The following DSCAM variants were observed in gnomAD, a reference collection of about 807,000 sequenced individuals.
The protein encoded by DSCAM is cell adhesion molecule DSCAM.
A neutral mutation model predicts 217.7 loss-of-function variants in DSCAM; 47 were observed. The ratio of observed to expected loss-of-function variants is 0.22; its 90% confidence interval spans 0.17 to 0.28. The LOEUF is 0.28. DSCAM is among the 10% of genes least tolerant of loss of function. DSCAM has a pLI of 1.00. For synonymous variants in DSCAM, 1,056 were observed against 1,015.3 expected, an observed-to-expected ratio of 1.04 and a Z score of -0.76; for missense variants, 2,080 against 2,618.3, an observed-to-expected ratio of 0.79 and a Z score of 4.49.
rs150775097 is a variant in DSCAM, at chr21:40,176,407, A to G, written c.2947+2520T>C. On this transcript the variant is annotated intron_variant, in intron 15 of 32. Coordinates refer to ENST00000400454, the MANE Select transcript of DSCAM (RefSeq NM_001389.5). ...GCTGACAGCTTCCGGAGGCTCCCAT[A>G]TGAGGAATAAGGGAACAGTGGGACA... Among the ~76,000 whole-genome samples, 792 of 152,148 alleles carry G rather than the reference A, an allele frequency of 5.2e-3. 8 individuals are homozygous for G. The highest frequency in any genetic ancestry group is 0.018 in the African/African-American group (743 of 41,492).
rs1388858125 is a variant in DSCAM, at chr21:40,012,568, T to C, written c.*466A>G. Reference sequence around the variant, plus strand: ...TAATTAACAACAAAAGAAGACCAAATTGAGAACCCGGTTTCTAATGGGAAA... The same window carrying C: ...TAATTAACAACAAAAGAAGACCAAACTGAGAACCCGGTTTCTAATGGGAAA... On this transcript the variant is annotated 3_prime_UTR_variant, in exon 33 of 33. Transcript: ENST00000400454. The C allele has an allele frequency of 6.6e-6, 1 of 151,960 alleles. No individual in the cohort carries two copies. The highest frequency in any genetic ancestry group is 1.5e-5 in the Non-Finnish European group (1 of 68,092). The allele number at this position is 151,960 out of a possible 1,614,324, so 9.4% of individuals were successfully genotyped here.
intron 27 of DSCAM, among the ~76,000 whole-genome samples, chr21:40,070,283 A>G: frequency 2.7e-5 from 3 of 111,536 alleles, no homozygotes; most frequent in African/African-American, 6.9e-5. Flanking sequence ...TGAAGGAGGG[A>G]GGGAGGGAGG....
chr21:40,170,546 C>T lies in DSCAM; in HGVS notation c.2948-3258G>A, dbSNP rs552209426. Reference sequence around the variant, plus strand: ...GAACAGGAGCCGAGGGAGAGAATGGCTTCCAGCTAATGGTGATGATTATTG... The same window carrying T: ...GAACAGGAGCCGAGGGAGAGAATGGTTTCCAGCTAATGGTGATGATTATTG... On this transcript the variant is annotated intron_variant, in intron 15 of 32. Transcript: ENST00000400454. 2.4e-4 allele frequency among the ~76,000 whole-genome samples: 37 copies of T among 152,170 alleles called. 1 individual carries two copies. Among genetic ancestry groups the T allele is most frequent in the Non-Finnish European group, 5.4e-4 (37 of 68,036 alleles).
chr21:40,248,893 C>T (rs373097278), intron 11 of DSCAM, among the ~76,000 whole-genome samples: 17 of 152,192 alleles, frequency 1.1e-4, no homozygotes, highest in African/African-American at 2.9e-4. Flanking sequence ...CGGCAGGAGG[C>T]GAAAGCCACT....
intron 3 of DSCAM, among the ~76,000 whole-genome samples, chr21:40,690,778 A>G (rs1476116818): frequency 6.6e-6 from 1 of 152,218 alleles, no homozygotes; most frequent in Non-Finnish European, 1.5e-5. Context: ...CTGCTAATTA[A>G]AGATGTCTAA....
chr21:40,743,233 G>T (rs1423963069), intron 1 of DSCAM, among the ~76,000 whole-genome samples: 2 of 152,176 alleles, frequency 1.3e-5, no homozygotes, highest in Non-Finnish European at 2.9e-5. Flanking sequence ...GAATGCAGCA[G>T]TGCTCCCACA....
intron 30 of DSCAM, among the ~76,000 whole-genome samples, chr21:40,049,857 C>T (rs1335438948): frequency 6.6e-6 from 1 of 152,182 alleles, no homozygotes; most frequent in Admixed American, 6.5e-5. Flanking sequence ...CCCCATTATT[C>T]TGGGGCTGAC....
At chr21:40,485,409 A>C (rs532917190) in intron 3 of DSCAM, among the ~76,000 whole-genome samples, 1 of 151,572 alleles carries the variant, frequency 6.6e-6, no homozygotes, top group African/African-American at 2.4e-5. Flanking sequence ...CGCCCGGCTA[A>C]TTTTTTGTAT....
At chr21:40,136,999 C>G (rs1249648719) in intron 18 of DSCAM, among the ~76,000 whole-genome samples, 1 of 151,500 alleles carries the variant, frequency 6.6e-6, no homozygotes, top group African/African-American at 2.4e-5. Context: ...ACGGTGAAAC[C>G]CCATCTCTAC....
chr21:40,735,649 T>C (rs1002947611), intron 1 of DSCAM, among the ~76,000 whole-genome samples: 2 of 152,224 alleles, frequency 1.3e-5, no homozygotes, highest in Admixed American at 6.5e-5. Context: ...GGGTAGAGAT[T>C]AGTCCTATTT....
At chr21:40,066,721 C>T (rs1281076873) in intron 27 of DSCAM, among the ~76,000 whole-genome samples, 1 of 152,180 alleles carries the variant, frequency 6.6e-6, no homozygotes, top group Admixed American at 6.5e-5. Context: ...ACATTAGCTT[C>T]CCCACCAGGA....
chr21:40,530,013 A>G (rs577069344), intron 3 of DSCAM, among the ~76,000 whole-genome samples: 8 of 152,154 alleles, frequency 5.3e-5, no homozygotes, highest in Non-Finnish European at 1.0e-4. Flanking sequence ...GGTGCTGTTT[A>G]TTTCAAGAGA....
chr21:40,473,813 G>A (rs1254636268), intron 3 of DSCAM, among the ~76,000 whole-genome samples: 1 of 152,110 alleles, frequency 6.6e-6, no homozygotes, highest in Admixed American at 6.5e-5. Context: ...ACACACGGAG[G>A]ACAACCACGT....
intron 31 of DSCAM, among the ~76,000 whole-genome samples, chr21:40,043,677 A>T (rs2088795631): frequency 6.6e-6 from 1 of 152,208 alleles, no homozygotes; most frequent in Non-Finnish European, 1.5e-5. Flanking sequence ...TGACCTCATC[A>T]TGTAACTTCA....
At chr21:40,086,320 T>C (rs2089531514) in intron 22 of DSCAM, among the ~76,000 whole-genome samples, 2 of 152,214 alleles carry the variant, frequency 1.3e-5, no homozygotes, top group Non-Finnish European at 1.5e-5. Context: ...GATTGTCCAG[T>C]CCTTTGGGGT....
At chr21:40,536,770 A>G (rs2076503006) in intron 3 of DSCAM, among the ~76,000 whole-genome samples, 1 of 152,230 alleles carries the variant, frequency 6.6e-6, no homozygotes, top group South Asian at 2.1e-4. Context: ...AGGACATAAT[A>G]TAACGGCTGA....
chr21:40,773,505 C>T (rs1225157625), intron 1 of DSCAM, among the ~76,000 whole-genome samples: 1 of 152,228 alleles, frequency 6.6e-6, no homozygotes, highest in African/African-American at 2.4e-5. Flanking sequence ...CTGATCTCAT[C>T]TCCAGATCCT....
chr21:40,316,419 C>T (rs780224468), intron 8 of DSCAM, among the ~76,000 whole-genome samples: 1 of 152,164 alleles, frequency 6.6e-6, no homozygotes, highest in Non-Finnish European at 1.5e-5. Flanking sequence ...ATTTTTAAAG[C>T]GTCTTAAGCC....
chr21:40,489,774 CAAAAAA>C (rs35247505), intron 3 of DSCAM, among the ~76,000 whole-genome samples: 19 of 47,188 alleles, frequency 4.0e-4, no homozygotes, highest in Admixed American at 1.3e-3. Flanking sequence ...GACTCCGTCT[CAAAAAA>C]AAAAAAAAAA....
Sources: allele counts gnomAD v4.1 joint callset (sites outside exome capture counted in the v4.1 genomes callset), GRCh38; gene constraint gnomAD v4.1.1; transcripts MANE v1.5; gene names NCBI Gene and HGNC (gene_info 2026-07-23, HGNC 2026-07-21).